F8: variants seen among roughly 807,000 people sequenced by gnomAD.
F8 encodes antihemophilic factor.
F8 carries 12 observed loss-of-function variants against 140.6 expected under a neutral mutation model. That is an observed-to-expected ratio of 0.09 (90% CI 0.05 to 0.14). The LOEUF is 0.14. Among genes scored for constraint, F8 ranks in the 10% least tolerant of loss-of-function variants. The probability of loss-of-function intolerance (pLI) is 1.00; values close to 1 mark genes in which losing one functional copy is unlikely to be tolerated. For synonymous variants in F8, 585 were observed against 614.6 expected (o/e 0.95, Z 0.71); for missense variants, 1,354 against 1,720.7 (o/e 0.79, Z 3.77).
chrX:154,969,473 G>A lies in F8; in HGVS notation c.867C>T (p.Phe289=), dbSNP rs932333339. The A allele has an allele frequency of 3.3e-6, 4 of 1,211,332 alleles. No homozygotes were observed. Among genetic ancestry groups the A allele is most frequent in the Non-Finnish European group, 4.5e-6 (4 of 895,255 alleles). Residue 289 remains phenylalanine (F), a synonymous_variant, in exon 7 of 26, where the codon TTC becomes TTT. Coordinates refer to ENST00000360256, the MANE Select transcript of F8 (RefSeq NM_000132.4). ...TCACAAGAAATGTGTGACCTTCGAG[G>A]AATATTGAGTGCACTTCAGGAGTGG... ...MGTTPEVHSI[F]LEGHTFLVRN... is the part of the protein sequence containing the mutation.
At chrX:154,871,584 C>A (rs1409255862) in intron 22 of F8, among the ~76,000 whole-genome samples, 1 of 111,877 alleles carries the variant, frequency 8.9e-6, no homozygotes, top group Non-Finnish European at 1.9e-5. Flanking sequence ...GACCTAGGAC[C>A]ATAAAAATCC....
chrX:154,955,759 A>G lies in F8; in HGVS notation c.1752+1198T>C, dbSNP rs141569589. Among the ~76,000 whole-genome samples the G allele has an allele frequency of 8.4e-3, 935 of 111,563 alleles. 9 individuals are homozygous for G. The highest frequency in any genetic ancestry group is 0.029 in the African/African-American group (882 of 30,616). On this transcript the variant is annotated intron_variant, in intron 11 of 25. Transcript: ENST00000360256. ...TCACATGATTCAAAGGCAATAAAAT[A>G]TCACAAGGCAAATAGGGACAGAGCA...
chrX:154,954,388 A>T, intron 11 of F8, among the ~76,000 whole-genome samples: 1 of 112,268 alleles, frequency 8.9e-6, no homozygotes, highest in Non-Finnish European at 1.9e-5. Context: ...TTAAAGAACC[A>T]AGTGGTTATT....
At chrX:154,979,339 C>G (rs960585356) in intron 6 of F8, among the ~76,000 whole-genome samples, 4 of 110,668 alleles carry the variant, frequency 3.6e-5, no homozygotes, top group Non-Finnish European at 7.6e-5. Context: ...TGCTCAGGTG[C>G]CACCAGTGGT....
chrX:155,003,923 T>G (rs1557285880), intron 1 of F8, among the ~76,000 whole-genome samples: 1 of 93,634 alleles, frequency 1.1e-5, no homozygotes, highest in Admixed American at 1.3e-4. Flanking sequence ...TTCGCGCCAC[T>G]GCACTCCAGC....
chrX:154,956,858 C>A lies in F8; in HGVS notation c.1752+99G>T, dbSNP rs149448953. Reference sequence around the variant, plus strand: ...AATTTAGTAAAAGCTAAGCTCATTTCTTTTACTGACCTATATTGCAAACCA... The same window carrying A: ...AATTTAGTAAAAGCTAAGCTCATTTATTTTACTGACCTATATTGCAAACCA... On this transcript the variant is annotated intron_variant, in intron 11 of 25. Coordinates refer to ENST00000360256, the MANE Select transcript of F8 (RefSeq NM_000132.4). 1.0e-4 allele frequency: 77 copies of A among 753,943 alleles called. 1 individual carries two copies. In the Middle Eastern group the frequency reaches 1.7e-3, roughly 16 times the overall value. The allele number at this position is 753,943 out of a possible 1,213,427, so 62.1% of individuals were successfully genotyped here. A position where few individuals can be genotyped will look rare whatever the true frequency, so the allele number is the denominator to read the frequency against.
intron 14 of F8, among the ~76,000 whole-genome samples, chrX:154,919,376 T>C (rs1173400821): frequency 2.7e-5 from 3 of 112,306 alleles, no homozygotes; most frequent in African/African-American, 6.5e-5. Context: ...TCTCTGTTTA[T>C]GCTTGTCTGA....
intron 22 of F8, among the ~76,000 whole-genome samples, chrX:154,863,592 G>A (rs1480285246): frequency 2.7e-5 from 3 of 111,143 alleles, no homozygotes; most frequent in East Asian, 2.8e-4. Flanking sequence ...TCAGGAGAAC[G>A]GTATCAGTGA....
chrX:154,954,975 T>C (rs1348160651), intron 11 of F8, among the ~76,000 whole-genome samples: 1 of 110,748 alleles, frequency 9.0e-6, no homozygotes, highest in East Asian at 2.8e-4. Flanking sequence ...AATGGACATG[T>C]AGTCAAGCCT....
At chrX:154,981,910 A>G (rs1557283626) in intron 6 of F8, among the ~76,000 whole-genome samples, 1 of 112,048 alleles carries the variant, frequency 8.9e-6, no homozygotes, top group Non-Finnish European at 1.9e-5. Context: ...AGATGGCCGG[A>G]TGCAGTGGCT....
At chrX:154,938,083 A>G (rs781979923) in intron 13 of F8, among the ~76,000 whole-genome samples, 3 of 112,356 alleles carry the variant, frequency 2.7e-5, no homozygotes, top group South Asian at 3.6e-4. Flanking sequence ...TTCTGTAAAA[A>G]GCAACATAGT....
At chrX:154,853,999 C>T (rs1037198782) in intron 25 of F8, among the ~76,000 whole-genome samples, 1 of 111,496 alleles carries the variant, frequency 9.0e-6, no homozygotes, top group East Asian at 2.8e-4. Flanking sequence ...ATATTGTGCA[C>T]CCATTACCAC....
chrX:154,873,616 A>G (rs1200769077), intron 22 of F8, among the ~76,000 whole-genome samples: 1 of 112,196 alleles, frequency 8.9e-6, no homozygotes, highest in Non-Finnish European at 1.9e-5. Context: ...AGTAATCAAA[A>G]TAGTATGGTA....
At chrX:154,891,464 G>A (rs1557275177) in intron 22 of F8, among the ~76,000 whole-genome samples, 1 of 112,776 alleles carries the variant, frequency 8.9e-6, no homozygotes, top group Admixed American at 9.3e-5. Flanking sequence ...TCTCATTAAA[G>A]TCAAGAGCAA....
At chrX:154,902,577 C>T (rs966831317) in intron 18 of F8, among the ~76,000 whole-genome samples, 14 of 111,283 alleles carry the variant, frequency 1.3e-4, no homozygotes, top group Non-Finnish European at 2.3e-4. Context: ...GTAAAGTTAC[C>T]CCAGCAACAA....
chrX:154,901,446 A>T lies in F8; in HGVS notation c.6116-4T>A. The T allele has an allele frequency of 6.9e-6, 8 of 1,157,862 alleles. No homozygotes were observed. Among genetic ancestry groups the T allele is most frequent in the Non-Finnish European group, 9.5e-6 (8 of 846,092 alleles). On this transcript the variant is annotated splice_polypyrimidine_tract_variant and splice_region_variant and intron_variant, in intron 19 of 25. Coordinates refer to ENST00000360256, the MANE Select transcript of F8 (RefSeq NM_000132.4). ...ATTCCCAGGGGAGTCTGACACTCTG[A>T]AATGAAACGGGTGGAACACAGTAAC...
intron 1 of F8, among the ~76,000 whole-genome samples, chrX:155,015,364 C>G (rs1331641580): frequency 8.9e-6 from 1 of 111,815 alleles, no homozygotes; most frequent in African/African-American, 3.3e-5. Flanking sequence ...TTAACTACAA[C>G]TATAAATTTC....
At chrX:154,850,083 T>TTGTG (rs60052978) in intron 25 of F8, among the ~76,000 whole-genome samples, 7,359 of 96,003 alleles carry the variant, frequency 0.077, 324 homozygotes, top group South Asian at 0.18. Context: ...CAGGCTTGTT[T>TTGTG]TGTGTGTGTG....
chrX:154,835,925 C>T lies in F8; in HGVS notation c.*1672G>A, dbSNP rs1050705. ...GAAAAGAATGCCAAAATAAGATTATCAAGTTAAACATAACAGGAAATAAAA... is the reference window on the plus strand; with the variant it reads ...GAAAAGAATGCCAAAATAAGATTATTAAGTTAAACATAACAGGAAATAAAA... On this transcript the variant is annotated 3_prime_UTR_variant, in exon 26 of 26. Transcript: ENST00000360256. The T allele has an allele frequency of 0.57, 62,894 of 110,970 alleles. 14,753 individuals carry two copies. Among genetic ancestry groups the T allele is most frequent in the East Asian group, 0.8 (2,807 of 3,525 alleles). The allele number at this position is 110,970 out of a possible 1,213,427, so 9.1% of individuals were successfully genotyped here.
Sources: gnomAD v4.1 joint callset for allele counts (sites outside exome capture counted in the v4.1 genomes callset) on GRCh38, gnomAD v4.1.1 for gene constraint, MANE v1.5 for transcripts, NCBI Gene and HGNC (gene_info 2026-07-23, HGNC 2026-07-21) for gene names.